Variants in RHOU observed in about 807,000 individuals in gnomAD.
The protein encoded by RHOU is ras homolog family member U.
In RHOU, 8 loss-of-function variants were observed where a neutral mutation model predicts 12.6. The observed-to-expected ratio is 0.64, with a 90% CI of 0.37 to 1.15. RHOU has a LOEUF of 1.15. Ranked by LOEUF, RHOU falls within the 50% of genes most tolerant of loss-of-function variation. RHOU has a pLI of 0.01. For missense variants in RHOU, 258 were observed against 347.0 expected (o/e 0.74, Z 2.04); for synonymous variants, 161 against 147.4 (o/e 1.09, Z -0.67).
chr1:228,688,102 C>T, the RHOU span, among the ~76,000 whole-genome samples: 1 of 151,866 alleles, frequency 6.6e-6, no homozygotes, highest in African/African-American at 2.4e-5. Context: ...TTGTTGTTCA[C>T]GGATGGGTCC....
chr1:228,723,963 A>G, the RHOU span, among the ~76,000 whole-genome samples: 1 of 152,072 alleles, frequency 6.6e-6, no homozygotes, highest in African/African-American at 2.4e-5. Context: ...CATCCACGGG[A>G]CTTGCTCTCT....
chr1:228,699,631 T>C, the RHOU span, among the ~76,000 whole-genome samples: 1 of 148,024 alleles, frequency 6.8e-6, no homozygotes, highest in Non-Finnish European at 1.5e-5. Context: ...AAACCTTTGA[T>C]CAAGGCAATC....
At chr1:228,653,795 T>C in the RHOU span, among the ~76,000 whole-genome samples, 27 of 152,202 alleles carry the variant, frequency 1.8e-4, no homozygotes, top group Non-Finnish European at 3.4e-4. Flanking sequence ...TGTAGCCAGT[T>C]GTTATTCTTG....
At position 228,737,603 on chromosome 1, in the gene RHOU, C is replaced by A; in HGVS notation, c.263-70C>A. On this transcript the variant is annotated intron_variant, in intron 1 of 2. Transcript: ENST00000366691. The surrounding 1 kb of genome is among the most constrained non-coding windows in gnomAD (Gnocchi z 4.1). ...TTTGGAGTGAGAATGATAGTGAAAGCTAAAACTATTAGTATTCCGAAAGGG... is the reference window on the plus strand; with the variant it reads ...TTTGGAGTGAGAATGATAGTGAAAGATAAAACTATTAGTATTCCGAAAGGG... 1 of 1,422,284 alleles carries A rather than the reference C, an allele frequency of 7.0e-7. No homozygotes were observed. Among genetic ancestry groups the A allele is most frequent in the Non-Finnish European group, 9.9e-7 (1 of 1,005,804 alleles). The allele number at this position is 1,422,284 out of a possible 1,614,324, so 88.1% of individuals were successfully genotyped here.
At chr1:228,681,758 C>A in the RHOU span, among the ~76,000 whole-genome samples, 2 of 151,994 alleles carry the variant, frequency 1.3e-5, no homozygotes, top group Non-Finnish European at 2.9e-5. Flanking sequence ...GTTTTAAGCT[C>A]TTGAGAACAC....
the RHOU span, among the ~76,000 whole-genome samples, chr1:228,707,239 A>G: frequency 5.5e-4 from 47 of 86,174 alleles, no homozygotes; most frequent in Admixed American, 2.0e-3. Flanking sequence ...ACATATGTAT[A>G]TATATATATA....
the RHOU span, among the ~76,000 whole-genome samples, chr1:228,647,229 G>T: frequency 1.3e-5 from 2 of 152,212 alleles, no homozygotes; most frequent in African/African-American, 4.8e-5. Context: ...TGAATTGCTT[G>T]CTTTGGAGGT....
chr1:228,681,477 A>G, the RHOU span, among the ~76,000 whole-genome samples: 2 of 152,100 alleles, frequency 1.3e-5, no homozygotes, highest in Admixed American at 6.5e-5. Flanking sequence ...GACTGAAGGG[A>G]CAGGCGGGAG....
chr1:228,739,527 C>T (rs1431348766), intron 2 of RHOU, among the ~76,000 whole-genome samples: 1 of 152,160 alleles, frequency 6.6e-6, no homozygotes, highest in Non-Finnish European at 1.5e-5. Context: ...CGCGTCACTG[C>T]CCTGCAGCCT....
the RHOU span, among the ~76,000 whole-genome samples, chr1:228,716,586 T>A: frequency 6.6e-6 from 1 of 152,214 alleles, no homozygotes; most frequent in African/African-American, 2.4e-5. Context: ...AGAAAATGGA[T>A]GGTGTTTGTT....
chr1:228,736,944 C>T (rs1242995889), intron 1 of RHOU, among the ~76,000 whole-genome samples: 1 of 121,824 alleles, frequency 8.2e-6, no homozygotes, highest in African/African-American at 3.1e-5. Flanking sequence ...CCTCCCCCCA[C>T]CCCACCCCTG....
chr1:228,721,763 A>G, the RHOU span, among the ~76,000 whole-genome samples: 2 of 152,098 alleles, frequency 1.3e-5, no homozygotes, highest in African/African-American at 4.8e-5. Flanking sequence ...CGGGTTCAAG[A>G]GATTCTCCTC....
At chr1:228,671,474 T>C in the RHOU span, among the ~76,000 whole-genome samples, 1 of 151,820 alleles carries the variant, frequency 6.6e-6, no homozygotes. Flanking sequence ...CCAAGCACTT[T>C]GGGAGGCCGA....
the RHOU span, among the ~76,000 whole-genome samples, chr1:228,686,395 T>G: frequency 2.0e-5 from 3 of 152,144 alleles, no homozygotes; most frequent in Non-Finnish European, 4.4e-5. Context: ...ATTAATGCCA[T>G]TGAATTGTAT....
chr1:228,685,641 C>T, the RHOU span, among the ~76,000 whole-genome samples: 1 of 152,156 alleles, frequency 6.6e-6, no homozygotes, highest in Non-Finnish European at 1.5e-5. Flanking sequence ...TAGAAGATAA[C>T]TAAAGTATTC....
At chr1:228,683,416 G>A in the RHOU span, among the ~76,000 whole-genome samples, 1 of 152,152 alleles carries the variant, frequency 6.6e-6, no homozygotes, top group Non-Finnish European at 1.5e-5. Flanking sequence ...AGCTTACTTA[G>A]GAGATAGGAT....
chr1:228,727,136 A>C, the RHOU span, among the ~76,000 whole-genome samples: 4 of 152,226 alleles, frequency 2.6e-5, no homozygotes, highest in African/African-American at 9.6e-5. Flanking sequence ...TTCATGAGTC[A>C]GATAGGTCCA....
the RHOU span, among the ~76,000 whole-genome samples, chr1:228,683,303 G>A: frequency 2.0e-5 from 3 of 152,174 alleles, no homozygotes; most frequent in Non-Finnish European, 4.4e-5. Context: ...CACAGGACAG[G>A]CATTTCACCC....
chr1:228,647,437 A>G, the RHOU span, among the ~76,000 whole-genome samples: 1 of 152,176 alleles, frequency 6.6e-6, no homozygotes, highest in African/African-American at 2.4e-5. Flanking sequence ...GTGCGGGGCA[A>G]TAGGAATCCG....
Sources: allele counts gnomAD v4.1 joint callset (sites outside exome capture counted in the v4.1 genomes callset), GRCh38; gene constraint gnomAD v4.1.1; non-coding constraint Gnocchi (gnomAD v3.1); transcripts MANE v1.5; gene names NCBI Gene and HGNC (gene_info 2026-07-23, HGNC 2026-07-21).